CSMD1: variants seen among roughly 807,000 people sequenced by gnomAD.
The protein encoded by CSMD1 is CUB and Sushi multiple domains 1, also known as CUB and sushi domain-containing protein 1.
CSMD1 carries 213 observed loss-of-function variants against 417.5 expected under a neutral mutation model. The observed-to-expected ratio is 0.51, with a 90% CI of 0.46 to 0.57. The LOEUF is 0.57. CSMD1 is among the 20% of genes least tolerant of loss of function. The pLI is 0.00. For synonymous variants in CSMD1, 2,862 were observed against 1,736.8 expected (o/e 1.65, Z -16.11); for missense variants, 6,923 against 4,529.7 (o/e 1.53, Z -15.17).
chr8:4,461,744 T>TTC (rs1554487168), intron 2 of CSMD1, among the ~76,000 whole-genome samples: 1 of 132,866 alleles, frequency 7.5e-6, no homozygotes, highest in African/African-American at 2.9e-5. Flanking sequence ...TTTACTTATT[T>TTC]TTTTTTTTTT....
At position 4,275,761 on chromosome 8, in the gene CSMD1, A is replaced by T. The variant is rs139615400; in HGVS notation, c.415+144192T>A. Among the ~76,000 whole-genome samples, 402 of 152,340 alleles carry T rather than the reference A, an allele frequency of 2.6e-3. 3 individuals are homozygous for T. The highest frequency in any genetic ancestry group is 9.2e-3 in the African/African-American group (383 of 41,582). On this transcript the variant is annotated intron_variant, in intron 3 of 69. Coordinates refer to ENST00000635120, the MANE Select transcript of CSMD1 (RefSeq NM_033225.6). ...TACACACACCTGTGCAAAACACTTT[A>T]GTCACAGAATAAAAACTCTAAAATG...
chr8:3,790,074 A>G (rs1317572309), intron 5 of CSMD1, among the ~76,000 whole-genome samples: 2 of 152,188 alleles, frequency 1.3e-5, no homozygotes. Context: ...AATGTCAATG[A>G]AGGTCCATTA....
At chr8:3,328,731 TA>T (rs1251854418) in intron 23 of CSMD1, among the ~76,000 whole-genome samples, 2 of 152,068 alleles carry the variant, frequency 1.3e-5, no homozygotes, top group African/African-American at 4.8e-5. Context: ...AAGACAGTAA[TA>T]AAAAACAAAG....
intron 12 of CSMD1, among the ~76,000 whole-genome samples, chr8:3,452,444 G>C (rs1347262882): frequency 6.6e-6 from 1 of 152,096 alleles, no homozygotes; most frequent in Non-Finnish European, 1.5e-5. Context: ...TATGATATTG[G>C]CTGTGGGTTT....
chr8:4,039,807 C>A (rs1797795098), intron 3 of CSMD1, among the ~76,000 whole-genome samples: 1 of 152,180 alleles, frequency 6.6e-6, no homozygotes, highest in South Asian at 2.1e-4. Flanking sequence ...CAGGGAGTTA[C>A]AGTCATCAGA....
intron 5 of CSMD1, among the ~76,000 whole-genome samples, chr8:3,979,134 G>T (rs983510137): frequency 6.6e-6 from 1 of 152,164 alleles, no homozygotes; most frequent in Non-Finnish European, 1.5e-5. Flanking sequence ...TGAAACATGG[G>T]GCCTCAGGCC....
At position 4,515,137 on chromosome 8, in the gene CSMD1, G is replaced by A. The variant is rs535735765; in HGVS notation, c.303-95072C>T. Among the ~76,000 whole-genome samples the A allele has an allele frequency of 2.6e-5, 4 of 152,314 alleles. No homozygotes were observed. The South Asian group carries it at 8.3e-4, about 32-fold the overall frequency. ...CTTGGAAAGGAATTTACTGGTCGGTGTGGTGTGGCTGTTATTATGTCTGAG... is the reference window on the plus strand; with the variant it reads ...CTTGGAAAGGAATTTACTGGTCGGTATGGTGTGGCTGTTATTATGTCTGAG... On this transcript the variant is annotated intron_variant, in intron 2 of 69. Transcript: ENST00000635120.
At chr8:4,039,676 A>C (rs563661327) in intron 3 of CSMD1, among the ~76,000 whole-genome samples, 1 of 152,204 alleles carries the variant, frequency 6.6e-6, no homozygotes, top group African/African-American at 2.4e-5. Flanking sequence ...GAATAACTCA[A>C]TGAGGAAGTG....
intron 3 of CSMD1, among the ~76,000 whole-genome samples, chr8:4,356,877 G>A (rs1354077663): frequency 6.6e-6 from 1 of 152,148 alleles, no homozygotes; most frequent in African/African-American, 2.4e-5. Flanking sequence ...TCTAGAGGCT[G>A]AAACTATAAT....
intron 2 of CSMD1, among the ~76,000 whole-genome samples, chr8:4,540,732 G>T (rs1352629608): frequency 6.6e-6 from 1 of 152,156 alleles, no homozygotes; most frequent in Non-Finnish European, 1.5e-5. Context: ...TGTCTAAGCT[G>T]TGCCAGGTAC....
At chr8:4,567,797 G>GA (rs985426705) in intron 2 of CSMD1, among the ~76,000 whole-genome samples, 14 of 150,618 alleles carry the variant, frequency 9.3e-5, no homozygotes, top group East Asian at 5.8e-4. Context: ...TACCAGAAAG[G>GA]AAAAAAAAAG....
At chr8:4,043,114 G>C (rs980732192) in intron 3 of CSMD1, among the ~76,000 whole-genome samples, 12 of 151,976 alleles carry the variant, frequency 7.9e-5, no homozygotes, top group Admixed American at 1.3e-4. Flanking sequence ...GCCTGGGTGA[G>C]ACAGTGAGAC....
intron 4 of CSMD1, among the ~76,000 whole-genome samples, chr8:4,018,225 A>C (rs1796616206): frequency 6.6e-6 from 1 of 152,194 alleles, no homozygotes; most frequent in Admixed American, 6.5e-5. Context: ...TTATATTTTC[A>C]GGATTCTGAC....
At position 4,938,231 on chromosome 8, in the gene CSMD1, A is replaced by G. The variant is rs536025436; in HGVS notation, c.85+56101T>C. 3.5e-4 allele frequency among the ~76,000 whole-genome samples: 53 copies of G among 152,344 alleles called. 1 individual carries two copies. In the South Asian group the frequency reaches 0.011, roughly 32 times the overall value. On this transcript the variant is annotated intron_variant, in intron 1 of 69. Transcript: ENST00000635120. The stretch of plus-strand genomic sequence containing the variant: ...CTAGTGAAGCTCTGGAGTGACTGGT[A>G]CACTAGAAAATGGATTTCAATAATT...
intron 12 of CSMD1, among the ~76,000 whole-genome samples, chr8:3,448,643 G>A (rs772828296): frequency 3.2e-4 from 49 of 152,014 alleles, no homozygotes; most frequent in Non-Finnish European, 5.7e-4. Flanking sequence ...GGCAAGGAGC[G>A]GGGCAGCATG....
intron 5 of CSMD1, among the ~76,000 whole-genome samples, chr8:3,881,867 T>A (rs970127069): frequency 2.0e-5 from 3 of 151,988 alleles, no homozygotes; most frequent in African/African-American, 7.3e-5. Flanking sequence ...AGGATTGACT[T>A]CTCCATAAAT....
At chr8:2,976,795 T>G (rs1290267259) in intron 55 of CSMD1, among the ~76,000 whole-genome samples, 2 of 152,338 alleles carry the variant, frequency 1.3e-5, no homozygotes, top group African/African-American at 4.8e-5. Flanking sequence ...GACATGATTC[T>G]CTTTTAGTTA....
chr8:3,310,711 C>G (rs920048728), intron 23 of CSMD1, among the ~76,000 whole-genome samples: 1 of 151,390 alleles, frequency 6.6e-6, no homozygotes, highest in Admixed American at 6.6e-5. Flanking sequence ...GTGAGGGCCG[C>G]CCATGCTAAC....
At chr8:4,577,403 C>G (rs577945607) in intron 2 of CSMD1, among the ~76,000 whole-genome samples, 1 of 152,122 alleles carries the variant, frequency 6.6e-6, no homozygotes. Flanking sequence ...CCTCTCAAGT[C>G]GGGGAAATGT....
Sources: allele counts gnomAD v4.1 joint callset (sites outside exome capture counted in the v4.1 genomes callset), GRCh38; gene constraint gnomAD v4.1.1; transcripts MANE v1.5; gene names NCBI Gene and HGNC (gene_info 2026-07-23, HGNC 2026-07-21).